Variants in USP37 observed in about 807,000 individuals in gnomAD.
The protein encoded by USP37 is ubiquitin specific peptidase 37.
USP37 carries 27 observed loss-of-function variants against 124.0 expected under a neutral mutation model. The observed-to-expected ratio is 0.22, with a 90% CI of 0.16 to 0.30. The LOEUF (loss-of-function observed/expected upper bound fraction) is 0.30, where lower values mean the gene tolerates loss of function less well. Ranked by LOEUF, USP37 falls within the 10% of genes least tolerant of loss-of-function variation. The probability of loss-of-function intolerance (pLI) is 1.00; values close to 1 mark genes in which losing one functional copy is unlikely to be tolerated. For synonymous variants in USP37, 365 were observed against 388.0 expected, an observed-to-expected ratio of 0.94 and a Z score of 0.70; for missense variants, 889 against 1,140.4, an observed-to-expected ratio of 0.78 and a Z score of 3.17.
In USP37 at chr2:218,474,447, C is replaced by T. The variant is rs992002192; in HGVS notation, c.2299+183G>A. ...TGCAATCTTGGCTCACTGCAACCTC[C>T]GCCTCCCGGTTCAAGCGAATTCTCC... is the stretch of plus-strand genomic sequence containing the variant. On this transcript the variant is annotated intron_variant, in intron 20 of 25. Coordinates refer to ENST00000258399, the MANE Select transcript of USP37 (RefSeq NM_020935.3). Among the ~76,000 whole-genome samples the T allele has an allele frequency of 5.9e-5, 9 of 152,214 alleles. No homozygotes were observed. In the South Asian group the frequency reaches 1.2e-3, roughly 21 times the overall value.
chr2:218,518,065 C>T (rs1312162314), intron 10 of USP37, among the ~76,000 whole-genome samples: 1 of 152,094 alleles, frequency 6.6e-6, no homozygotes, highest in African/African-American at 2.4e-5. Context: ...GAGCAATCCT[C>T]CCACCTCAGC....
intron 10 of USP37, among the ~76,000 whole-genome samples, chr2:218,510,394 G>C (rs980825740): frequency 7.2e-5 from 11 of 151,978 alleles, no homozygotes; most frequent in African/African-American, 2.7e-4. Context: ...GCTTGAAAAA[G>C]AAAACAATAC....
intron 14 of USP37, among the ~76,000 whole-genome samples, chr2:218,491,894 G>T (rs1688801726): frequency 6.6e-6 from 1 of 152,028 alleles, no homozygotes; most frequent in Non-Finnish European, 1.5e-5. Flanking sequence ...AAAAGTGAGG[G>T]CACTATCTAA....
intron 11 of USP37, among the ~76,000 whole-genome samples, chr2:218,503,522 C>T (rs1291652760): frequency 2.0e-5 from 3 of 152,140 alleles, no homozygotes; most frequent in Non-Finnish European, 4.4e-5. Context: ...TCGAGACCAG[C>T]CTGACCAATA....
chr2:218,540,896 A>C (rs1418532900), intron 8 of USP37, among the ~76,000 whole-genome samples: 1 of 152,184 alleles, frequency 6.6e-6, no homozygotes, highest in Non-Finnish European at 1.5e-5. Flanking sequence ...GCAGAATAGG[A>C]GGTACAATGA....
chr2:218,468,332 G>A (rs940940805), intron 20 of USP37, among the ~76,000 whole-genome samples: 5 of 151,848 alleles, frequency 3.3e-5, no homozygotes. Flanking sequence ...AGCCTCCCAA[G>A]TAGCTGGGAT....
At chr2:218,524,671 G>A (rs145120633) in intron 10 of USP37, among the ~76,000 whole-genome samples, 261 of 152,212 alleles carry the variant, frequency 1.7e-3, no homozygotes, top group African/African-American at 6.0e-3. Flanking sequence ...GTGCAGTGGC[G>A]CGTTTTCGGC....
In USP37 at chr2:218,547,030, C is replaced by G; in HGVS notation, c.491G>C (p.Gly164Ala). 5 of 1,611,898 alleles carry G rather than the reference C, an allele frequency of 3.1e-6. No individual in the cohort carries two copies. The highest frequency in any genetic ancestry group is 4.2e-6 in the Non-Finnish European group (5 of 1,179,548). ...CTTAATCGATCCTCTACCCGGATTA[C>G]CAAGAACTTTTCGAAATGGAATATC... ...KDDIPFRKVLGNPGRGSIKTV... is the reference protein window; with the variant it reads ...KDDIPFRKVLANPGRGSIKTV... The change falls in exon 7 of 26, where the codon GGT (glycine) becomes GCT (alanine). Residue 164 changes from glycine to alanine, a missense_variant. Gly to Ala is a moderately conservative substitution (Grantham distance 60). Around this residue, in one of 3 missense-constraint regions of USP37, gnomAD observed 374 missense variants for 386.0 expected, o/e 0.97. Coordinates refer to ENST00000258399, the MANE Select transcript of USP37 (RefSeq NM_020935.3).
intron 10 of USP37, among the ~76,000 whole-genome samples, chr2:218,526,131 T>C (rs1182137113): frequency 6.6e-6 from 1 of 152,244 alleles, no homozygotes. Context: ...CTATTGTGAA[T>C]AGTGCTGCAG....
chr2:218,481,031 C>T (rs1691246939), intron 17 of USP37, among the ~76,000 whole-genome samples: 1 of 152,126 alleles, frequency 6.6e-6, no homozygotes, highest in South Asian at 2.1e-4. Flanking sequence ...TGGACAAAAA[C>T]CTCTAAAATC....
At chr2:218,543,133 T>C (rs1692079143) in intron 8 of USP37, among the ~76,000 whole-genome samples, 2 of 152,206 alleles carry the variant, frequency 1.3e-5, no homozygotes, top group Non-Finnish European at 2.9e-5. Flanking sequence ...TAGTGCTTCT[T>C]ATTGCTTTCA....
rs1053997199 is a variant in USP37, at chr2:218,502,561, C to A, written c.1026-4404G>T. Among the ~76,000 whole-genome samples, 8 of 151,936 alleles carry A rather than the reference C, an allele frequency of 5.3e-5. No homozygotes were observed. The East Asian group carries it at 1.5e-3, about 29-fold the overall frequency. ...TGATAAAAACTAGAAACCCACAGAT[C>A]CAAGAAGCTCAACAAATCCCAAGTG... On this transcript the variant is annotated intron_variant, in intron 11 of 25. Transcript: ENST00000258399.
At position 218,546,210 on chromosome 2, in the gene USP37, A is replaced by G; in HGVS notation, c.680+11T>C. On this transcript the variant is annotated intron_variant, in intron 8 of 25. Coordinates refer to ENST00000258399, the MANE Select transcript of USP37 (RefSeq NM_020935.3). Reference sequence around the variant, plus strand: ...TGCTCTAACACTATAAAGGCCCTTAAAGTAACTTACGATGATGAATCATTT... The same window carrying G: ...TGCTCTAACACTATAAAGGCCCTTAGAGTAACTTACGATGATGAATCATTT... 6.2e-7 allele frequency: 1 copy of G among 1,605,562 alleles called. No homozygotes were observed. Among genetic ancestry groups the G allele is most frequent in the Non-Finnish European group, 8.5e-7 (1 of 1,174,032 alleles).
chr2:218,516,506 C>T (rs1690290243), intron 10 of USP37, among the ~76,000 whole-genome samples: 1 of 150,326 alleles, frequency 6.7e-6, no homozygotes, highest in African/African-American at 2.5e-5. Context: ...CACATGGACA[C>T]ATGGAGGGGA....
chr2:218,538,065 G>C (rs537163112), intron 8 of USP37, among the ~76,000 whole-genome samples: 1 of 152,296 alleles, frequency 6.6e-6, no homozygotes, highest in African/African-American at 2.4e-5. Flanking sequence ...AAGTAAGAAA[G>C]AGATGACAAG....
intron 20 of USP37, among the ~76,000 whole-genome samples, chr2:218,467,589 C>T (rs1008938699): frequency 4.6e-5 from 7 of 151,996 alleles, no homozygotes; most frequent in Non-Finnish European, 1.0e-4. Context: ...CCTTGTGATC[C>T]GCCCACCTCA....
At chr2:218,520,459 C>T (rs571886087) in intron 10 of USP37, among the ~76,000 whole-genome samples, 3 of 151,240 alleles carry the variant, frequency 2.0e-5, no homozygotes, top group Non-Finnish European at 4.4e-5. Flanking sequence ...AAGCGATTCT[C>T]GTGTCTCAGC....
At position 218,497,720 on chromosome 2, in the gene USP37, C is replaced by T; in HGVS notation, c.1281+14G>A. 6.2e-7 allele frequency: 1 copy of T among 1,613,286 alleles called. No individual in the cohort carries two copies. Among genetic ancestry groups the T allele is most frequent in the Non-Finnish European group, 8.5e-7 (1 of 1,179,718 alleles). On this transcript the variant is annotated intron_variant, in intron 13 of 25. Transcript: ENST00000258399. Reference sequence around the variant, plus strand: ...GTCAGGCCTCTGAAACGTTTTAAAACAATTAATACTCACATTCTGCATATA... The same window carrying T: ...GTCAGGCCTCTGAAACGTTTTAAAATAATTAATACTCACATTCTGCATATA...
chr2:218,498,330 G>A (rs1311071637), intron 11 of USP37, 173 bp from the exon 12 acceptor site: 3 of 532,424 alleles, frequency 5.6e-6, no homozygotes, highest in Non-Finnish European at 8.8e-6. Flanking sequence ...ACACAAATGT[G>A]TCCAAAAAAA....
Sources: gnomAD v4.1 joint callset for allele counts (sites outside exome capture counted in the v4.1 genomes callset) on GRCh38, gnomAD v4.1.1 for gene constraint, gnomAD v4.1.1 regional missense constraint, MANE v1.5 for transcripts, NCBI Gene and HGNC (gene_info 2026-07-23, HGNC 2026-07-21) for gene names.